Variants in TUSC3 observed in about 807,000 individuals in gnomAD.
TUSC3 encodes the protein dolichyl-diphosphooligosaccharide--protein glycosyltransferase subunit TUSC3.
A neutral mutation model predicts 44.8 loss-of-function variants in TUSC3; 45 were observed. The ratio of observed to expected loss-of-function variants is 1.00; its 90% confidence interval spans 0.79 to 1.29. TUSC3 has a LOEUF of 1.29. Among genes scored for constraint, TUSC3 ranks in the 50% most tolerant of loss-of-function variants. The pLI is 0.00. For synonymous variants in TUSC3, 212 were observed against 152.9 expected (o/e 1.39, Z -2.85); for missense variants, 519 against 437.9 (o/e 1.19, Z -1.65).
chr8:15,536,431 C>T (rs778597859), upstream of TUSC3, among the ~76,000 whole-genome samples: 2 of 151,960 alleles, frequency 1.3e-5, no homozygotes, highest in South Asian at 2.1e-4. Flanking sequence ...CCTGTAATCC[C>T]AGCACTTTGG....
the TUSC3 span, among the ~76,000 whole-genome samples, chr8:15,775,228 T>A: frequency 3.9e-5 from 6 of 152,220 alleles, no homozygotes; most frequent in East Asian, 1.2e-3. Flanking sequence ...AGTATATCAT[T>A]CCTTTTATAT....
At chr8:15,615,629 C>T (rs566898369) in intron 1 of TUSC3, among the ~76,000 whole-genome samples, 9 of 152,046 alleles carry the variant, frequency 5.9e-5, no homozygotes, top group Non-Finnish European at 1.3e-4. Context: ...CAGATGTTCA[C>T]AGCACAAGGA....
the TUSC3 span, among the ~76,000 whole-genome samples, chr8:15,791,320 C>T: frequency 6.6e-6 from 1 of 151,848 alleles, no homozygotes. Context: ...TCTTGAAATA[C>T]GATTATCCAT....
chr8:15,469,911 G>A (rs1800462867), intron 1 of TUSC3, among the ~76,000 whole-genome samples: 1 of 152,132 alleles, frequency 6.6e-6, no homozygotes, highest in African/African-American at 2.4e-5. Context: ...TACACTATAT[G>A]ATTCCAACTA....
chr8:15,813,204 A>T, the TUSC3 span, among the ~76,000 whole-genome samples: 2 of 152,174 alleles, frequency 1.3e-5, no homozygotes, highest in African/African-American at 4.8e-5. Flanking sequence ...AATTTCACTT[A>T]GATGTAGACA....
intron 6 of TUSC3, among the ~76,000 whole-genome samples, chr8:15,680,001 T>G (rs1052795325): frequency 6.6e-6 from 1 of 152,146 alleles, no homozygotes; most frequent in Non-Finnish European, 1.5e-5. Context: ...TGTAGTATAG[T>G]TTGATGTTGG....
chr8:15,659,115 C>T (rs1410157338), intron 3 of TUSC3, among the ~76,000 whole-genome samples: 5 of 152,176 alleles, frequency 3.3e-5, no homozygotes, highest in Admixed American at 2.6e-4. Flanking sequence ...AATTCCAGTA[C>T]TTTTTAAAAA....
the TUSC3 span, among the ~76,000 whole-genome samples, chr8:15,825,436 T>C: frequency 6.6e-6 from 1 of 152,096 alleles, no homozygotes; most frequent in Non-Finnish European, 1.5e-5. Flanking sequence ...GACTTATTCA[T>C]TGTCACAAGA....
At chr8:15,785,120 T>A in the TUSC3 span, among the ~76,000 whole-genome samples, 1 of 152,108 alleles carries the variant, frequency 6.6e-6, no homozygotes, top group South Asian at 2.1e-4. Context: ...ACATATTAGG[T>A]ACAGTGCACA....
chr8:15,786,636 A>C, the TUSC3 span, among the ~76,000 whole-genome samples: 2 of 152,056 alleles, frequency 1.3e-5, no homozygotes, highest in Admixed American at 1.3e-4. Flanking sequence ...AAATATACAG[A>C]AAACTCATTA....
intron 1 of TUSC3, among the ~76,000 whole-genome samples, chr8:15,431,207 ATTTC>A (rs1179787418): frequency 6.6e-6 from 1 of 151,070 alleles, no homozygotes; most frequent in Non-Finnish European, 1.5e-5. Flanking sequence ...TGTTTTTTCT[ATTTC>A]TTTTTTTAAT....
intron 2 of TUSC3, among the ~76,000 whole-genome samples, chr8:15,513,575 A>C (rs1010129800): frequency 2.0e-5 from 3 of 152,196 alleles, no homozygotes; most frequent in Admixed American, 1.3e-4. Flanking sequence ...CAAGAACGTA[A>C]TTGAGAATCT....
intron 1 of TUSC3, among the ~76,000 whole-genome samples, chr8:15,579,268 C>T (rs1418686846): frequency 1.5e-5 from 2 of 137,590 alleles, no homozygotes. Context: ...AAAAAACCAG[C>T]TCCTGGATTC....
At chr8:15,694,728 G>A (rs1173676730) in intron 6 of TUSC3, among the ~76,000 whole-genome samples, 1 of 152,144 alleles carries the variant, frequency 6.6e-6, no homozygotes, top group Non-Finnish European at 1.5e-5. Context: ...CTCCCGAGCT[G>A]CATGCCCTAA....
chr8:15,438,193 C>T (rs187637284), intron 1 of TUSC3, among the ~76,000 whole-genome samples: 2 of 152,140 alleles, frequency 1.3e-5, no homozygotes, highest in Non-Finnish European at 2.9e-5. Flanking sequence ...CTCCTGGGTT[C>T]AACTGAATCT....
intron 2 of TUSC3, among the ~76,000 whole-genome samples, chr8:15,526,837 G>A (rs1585076484): frequency 1.3e-5 from 2 of 152,138 alleles, no homozygotes; most frequent in African/African-American, 2.4e-5. Context: ...AGGGAGACTA[G>A]GGGTGGCTTT....
intron 1 of TUSC3, among the ~76,000 whole-genome samples, chr8:15,583,458 A>G (rs1371921186): frequency 6.6e-6 from 1 of 152,220 alleles, no homozygotes; most frequent in African/African-American, 2.4e-5. Flanking sequence ...TTTAGCTTGG[A>G]AAATGAAAAA....
chr8:15,848,524 C>T, the TUSC3 span, among the ~76,000 whole-genome samples: 2 of 152,188 alleles, frequency 1.3e-5, no homozygotes, highest in Admixed American at 6.5e-5. Flanking sequence ...CTATCCCAGG[C>T]AGCTTTCTTG....
chr8:15,842,781 A>C, the TUSC3 span, among the ~76,000 whole-genome samples: 1 of 152,326 alleles, frequency 6.6e-6, no homozygotes, highest in African/African-American at 2.4e-5. Flanking sequence ...TCTTTGAAAC[A>C]TGAACACGTG....
Sources: allele counts gnomAD v4.1 joint callset (sites outside exome capture counted in the v4.1 genomes callset), GRCh38; gene constraint gnomAD v4.1.1; transcripts MANE v1.5; gene names NCBI Gene and HGNC (gene_info 2026-07-23, HGNC 2026-07-21).